The following TADA2A variants were observed in gnomAD, a reference collection of about 807,000 sequenced individuals.
TADA2A encodes the protein transcriptional adaptor 2A, also known as transcriptional adapter 2-alpha.
In TADA2A, 38 loss-of-function variants were observed where a neutral mutation model predicts 67.4. The ratio of observed to expected loss-of-function variants is 0.56; its 90% CI spans 0.44 to 0.74. The LOEUF is 0.74. Ranked by LOEUF, TADA2A falls within the 30% of genes least tolerant of loss-of-function variation. The probability of loss-of-function intolerance (pLI) is 0.00; values close to 1 mark genes in which losing one functional copy is unlikely to be tolerated. For missense variants in TADA2A, 454 were observed against 547.0 expected (o/e 0.83, Z 1.70); for synonymous variants, 192 against 181.6 (o/e 1.06, Z -0.46).
chr17:37,439,981 T>C (rs2147967930), intron 5 of TADA2A, among the ~76,000 whole-genome samples: 1 of 149,976 alleles, frequency 6.7e-6, no homozygotes, highest in Non-Finnish European at 1.5e-5. Context: ...TTCGCTCTTG[T>C]TGCCCAGACT....
chr17:37,414,497 G>A (rs1360468557), intron 2 of TADA2A, among the ~76,000 whole-genome samples: 4 of 152,106 alleles, frequency 2.6e-5, no homozygotes, highest in Non-Finnish European at 5.9e-5. Context: ...ATCAGAGACC[G>A]AGATCTTTTC....
chr17:37,476,739 G>A, intron 15 of TADA2A, 58 bp from the exon 16 acceptor site: 1 of 1,563,510 alleles, frequency 6.4e-7, no homozygotes, highest in Non-Finnish European at 8.7e-7. Flanking sequence ...TATACCTGCT[G>A]GATTAAATTA....
At chr17:37,433,927 C>G (rs2052646912) in intron 4 of TADA2A, among the ~76,000 whole-genome samples, 1 of 151,552 alleles carries the variant, frequency 6.6e-6, no homozygotes, top group Middle Eastern at 3.2e-3. Flanking sequence ...GCACTCCAGC[C>G]TGGGCTATGG....
Position 37,443,920 on chromosome 17 carries a change from A to G in TADA2A, c.532-776A>G, listed in dbSNP as rs77756631. On this transcript the variant is annotated intron_variant, in intron 7 of 15. Transcript: ENST00000615182. Reference sequence around the variant, plus strand: ...TGTGAATGTAGCCACAAGTCTCTTGATTTATCATCTAATTCACAACTTGAA... The same window carrying G: ...TGTGAATGTAGCCACAAGTCTCTTGGTTTATCATCTAATTCACAACTTGAA... Among the ~76,000 whole-genome samples, 36 of 152,294 alleles carry G rather than the reference A, an allele frequency of 2.4e-4. 2 individuals carry two copies. The East Asian group carries it at 6.7e-3, about 29-fold the overall frequency.
At chr17:37,447,415 A>G in intron 8 of TADA2A, among the ~76,000 whole-genome samples, 1 of 152,230 alleles carries the variant, frequency 6.6e-6, no homozygotes, top group African/African-American at 2.4e-5. Context: ...TCTGCCTCCC[A>G]AAGTGCTGGG....
At chr17:37,449,501 A>G (rs2053174065) in intron 8 of TADA2A, among the ~76,000 whole-genome samples, 1 of 152,192 alleles carries the variant, frequency 6.6e-6, no homozygotes, top group South Asian at 2.1e-4. Context: ...GGATGAGGAC[A>G]TTGAAGCATA....
rs546472875 is a variant in TADA2A, at chr17:37,464,038, C to G, written c.713-1393C>G. On this transcript the variant is annotated intron_variant, in intron 10 of 15. Coordinates refer to ENST00000615182, the MANE Select transcript of TADA2A (RefSeq NM_001166105.3). Reference sequence around the variant, plus strand: ...ATCGTTAGTCCAAGAGTAGATAGAACTAACCTAATTACTGATTGAAACGAC... The same window carrying G: ...ATCGTTAGTCCAAGAGTAGATAGAAGTAACCTAATTACTGATTGAAACGAC... Among the ~76,000 whole-genome samples, 3 of 152,234 alleles carry G rather than the reference C, an allele frequency of 2.0e-5. No homozygotes were observed. The South Asian group carries it at 6.2e-4, about 32-fold the overall frequency.
chr17:37,422,018 A>G (rs983488514), intron 2 of TADA2A, among the ~76,000 whole-genome samples: 1 of 144,208 alleles, frequency 6.9e-6, no homozygotes, highest in African/African-American at 2.5e-5. Flanking sequence ...AGCTGGGACT[A>G]CAGATGCATA....
chr17:37,476,162 T>C (rs535795395), intron 15 of TADA2A, among the ~76,000 whole-genome samples: 1 of 152,302 alleles, frequency 6.6e-6, no homozygotes, highest in African/African-American at 2.4e-5. Context: ...GATTCAAATA[T>C]TGAATGGCCT....
At chr17:37,426,906 TTAAG>T in intron 3 of TADA2A, 40 bp from the exon 4 acceptor site, 1 of 1,559,118 alleles carries the variant, frequency 6.4e-7, no homozygotes, top group Non-Finnish European at 8.7e-7. Context: ...CCTCTGTCCT[TTAAG>T]AAAGTAGCTT....
intron 5 of TADA2A, among the ~76,000 whole-genome samples, chr17:37,439,288 T>C (rs1218236447): frequency 6.6e-6 from 1 of 151,868 alleles, no homozygotes; most frequent in East Asian, 1.9e-4. Context: ...TTTATTATTA[T>C]TATTATTATT....
At chr17:37,447,651 C>T (rs1162787854) in intron 8 of TADA2A, among the ~76,000 whole-genome samples, 1 of 152,136 alleles carries the variant, frequency 6.6e-6, no homozygotes, top group African/African-American at 2.4e-5. Context: ...AGAAGCTTGT[C>T]AGCACTACAG....
At chr17:37,411,515 C>A in intron 2 of TADA2A, 125 bp downstream of exon 2, 1 of 870,394 alleles carries the variant, frequency 1.1e-6, no homozygotes, top group East Asian at 2.5e-5. Context: ...TTCTGCCTCC[C>A]GGCTTTAAAC....
intron 3 of TADA2A, among the ~76,000 whole-genome samples, chr17:37,424,846 C>T (rs1049698376): frequency 2.6e-5 from 4 of 151,350 alleles, no homozygotes; most frequent in African/African-American, 7.3e-5. Context: ...CGTGAGCCAC[C>T]GTGCCCAGCT....
Position 37,460,938 on chromosome 17 carries a change from T to TG in TADA2A, c.669-1137dup, listed in dbSNP as rs555704125. The stretch of plus-strand genomic sequence containing the variant: ...TGAGCCTAGGAGTTCAAGGCCAGTC[T>TG]GGGCAACCTAGGAAAACCCCATCTC... On this transcript the variant is annotated intron_variant, in intron 9 of 15. Transcript: ENST00000615182. Among the ~76,000 whole-genome samples, 82 of 151,590 alleles carry TG rather than the reference T, an allele frequency of 5.4e-4. No individual in the cohort carries two copies. The South Asian group carries it at 5.7e-3, about 10-fold the overall frequency.
At chr17:37,448,325 G>A (rs2053138132) in intron 8 of TADA2A, among the ~76,000 whole-genome samples, 1 of 152,090 alleles carries the variant, frequency 6.6e-6, no homozygotes, top group African/African-American at 2.4e-5. Context: ...ACACAATGGA[G>A]GGATAATTGT....
At chr17:37,439,252 C>T (rs1278981537) in intron 5 of TADA2A, among the ~76,000 whole-genome samples, 1 of 151,948 alleles carries the variant, frequency 6.6e-6, no homozygotes, top group African/African-American at 2.4e-5. Flanking sequence ...CAGGTGTGCG[C>T]CACCATACTC....
At chr17:37,442,482 T>G in intron 6 of TADA2A, 82 bp from the exon 7 acceptor site, 1 of 1,031,784 alleles carries the variant, frequency 9.7e-7, no homozygotes, top group Non-Finnish European at 1.4e-6. Flanking sequence ...ATTTTAAATT[T>G]TATTTATTCT....
chr17:37,440,669 G>A lies in TADA2A; in HGVS notation c.442+7G>A. On this transcript the variant is annotated splice_region_variant and intron_variant, in intron 6 of 15. Coordinates refer to ENST00000615182, the MANE Select transcript of TADA2A (RefSeq NM_001166105.3). ...ACAGCCATTCCATTTCACTGTAAGT[G>A]CCTCCCTATCTTGATAAGATATACT... 2.5e-6 allele frequency: 4 copies of A among 1,614,092 alleles called. No homozygotes were observed. Among genetic ancestry groups the A allele is most frequent in the Non-Finnish European group, 2.5e-6 (3 of 1,180,000 alleles).
Sources: allele counts gnomAD v4.1 joint callset (sites outside exome capture counted in the v4.1 genomes callset), GRCh38; gene constraint gnomAD v4.1.1; transcripts MANE v1.5; gene names NCBI Gene and HGNC (gene_info 2026-07-23, HGNC 2026-07-21).